Variants in AGBL4 observed in about 807,000 individuals in gnomAD.
AGBL4 encodes the protein AGBL carboxypeptidase 4.
A neutral mutation model predicts 66.4 loss-of-function variants in AGBL4; 58 were observed. The observed-to-expected ratio is 0.87, with a 90% CI of 0.71 to 1.09. AGBL4 has a LOEUF of 1.09. Ranked by LOEUF, AGBL4 falls within the 50% of genes least tolerant of loss-of-function variation. AGBL4 has a pLI of 0.00. For missense variants in AGBL4, 579 were observed against 631.0 expected (o/e 0.92, Z 0.88); for synonymous variants, 234 against 222.9 (o/e 1.05, Z -0.44).
intron 6 of AGBL4, among the ~76,000 whole-genome samples, chr1:48,809,256 G>C (rs950802380): frequency 2.0e-5 from 3 of 152,196 alleles, no homozygotes; most frequent in African/African-American, 7.2e-5. Flanking sequence ...AGACCACAGA[G>C]CTGTGAATAC....
Position 49,045,711 on chromosome 1 carries a change from C to T in AGBL4, c.467G>A (p.Arg156Gln), listed in dbSNP as rs1181701129. ...YVMSFAFCFD[R>Q]EEDIYQFAYC... ...AGCAAACTGGTAAATATCTTCTTCTCGGTCAAAACAAAAGGCAAAGGACAT... is the reference window on the plus strand; with the variant it reads ...AGCAAACTGGTAAATATCTTCTTCTTGGTCAAAACAAAAGGCAAAGGACAT... Residue 156 changes from arginine to glutamine, a missense_variant, in exon 5 of 14, where the codon CGA (arginine) becomes CAA (glutamine). Coordinates refer to ENST00000371839, the MANE Select transcript of AGBL4 (RefSeq NM_032785.4). 1.4e-5 allele frequency: 21 copies of T among 1,553,822 alleles called. No individual in the cohort carries two copies. The Middle Eastern group carries it at 8.3e-4, about 61-fold the overall frequency.
intron 6 of AGBL4, chr1:48,742,589 T>C: frequency 1.3e-6 from 2 of 1,487,828 alleles, no homozygotes; most frequent in Non-Finnish European, 1.8e-6. Flanking sequence ...TAACAAACAC[T>C]TGCAGGGAAT....
chr1:48,689,118 G>A (rs1456227370), intron 6 of AGBL4, among the ~76,000 whole-genome samples: 2 of 151,088 alleles, frequency 1.3e-5, no homozygotes, highest in East Asian at 3.9e-4. Flanking sequence ...CCACTCAGGA[G>A]GCTGAGGCAG....
chr1:48,752,711 T>C (rs1336767669), intron 6 of AGBL4, among the ~76,000 whole-genome samples: 2 of 152,172 alleles, frequency 1.3e-5, no homozygotes, highest in East Asian at 3.9e-4. Context: ...GCACCTACTA[T>C]ATGCCAGCCT....
intron 4 of AGBL4, among the ~76,000 whole-genome samples, chr1:49,087,567 A>T (rs1035552598): frequency 1.3e-5 from 2 of 152,228 alleles, no homozygotes; most frequent in Non-Finnish European, 2.9e-5. Context: ...TGAACAAAAC[A>T]TCTTAGAAAT....
At chr1:49,465,319 C>G (rs1463679354) in intron 3 of AGBL4, among the ~76,000 whole-genome samples, 2 of 150,234 alleles carry the variant, frequency 1.3e-5, no homozygotes, top group African/African-American at 4.9e-5. Flanking sequence ...TTACTGGATT[C>G]CTATACTTTC....
intron 4 of AGBL4, among the ~76,000 whole-genome samples, chr1:49,203,686 C>T (rs1217568115): frequency 6.6e-6 from 1 of 152,134 alleles, no homozygotes; most frequent in Non-Finnish European, 1.5e-5. Flanking sequence ...TGCCTGTAAT[C>T]CCAGCTACTC....
intron 3 of AGBL4, among the ~76,000 whole-genome samples, chr1:49,603,794 T>C (rs1282253233): frequency 6.6e-6 from 1 of 152,086 alleles, no homozygotes; most frequent in Non-Finnish European, 1.5e-5. Context: ...TAGGCCGCAC[T>C]TGTAAGTGAG....
At chr1:48,673,127 T>C (rs1191048798) in intron 6 of AGBL4, among the ~76,000 whole-genome samples, 1 of 152,214 alleles carries the variant, frequency 6.6e-6, no homozygotes, top group African/African-American at 2.4e-5. Flanking sequence ...AAAGAGATGT[T>C]ATTCTGTTTG....
At chr1:49,932,093 C>A (rs1029078852) in intron 1 of AGBL4, among the ~76,000 whole-genome samples, 1 of 152,166 alleles carries the variant, frequency 6.6e-6, no homozygotes, top group East Asian at 1.9e-4. Context: ...AAATCTAAAA[C>A]ATTTCTTTTC....
In AGBL4 at chr1:49,392,150, T is replaced by C. The variant is rs370366563; in HGVS notation, c.283-146286A>G. ...AATTTAAACATGTGGCTGTTTAAAT[T>C]TTTTAAAAGTAAATTAAGTAAAATT... On this transcript the variant is annotated intron_variant, in intron 3 of 13. Coordinates refer to ENST00000371839, the MANE Select transcript of AGBL4 (RefSeq NM_032785.4). Among the ~76,000 whole-genome samples the C allele has an allele frequency of 3.3e-4, 51 of 152,284 alleles. 1 individual carries two copies. In the South Asian group the frequency reaches 9.7e-3, roughly 29 times the overall value.
chr1:49,553,517 C>A (rs1052995671), intron 3 of AGBL4, among the ~76,000 whole-genome samples: 1 of 152,182 alleles, frequency 6.6e-6, no homozygotes, highest in Non-Finnish European at 1.5e-5. Flanking sequence ...CCACATCCCC[C>A]ATTAACGTTT....
intron 2 of AGBL4, among the ~76,000 whole-genome samples, chr1:49,736,787 C>T (rs1388221335): frequency 6.6e-6 from 1 of 151,810 alleles, no homozygotes; most frequent in Non-Finnish European, 1.5e-5. Flanking sequence ...GGTGTAACTT[C>T]CCAAATCTAT....
intron 3 of AGBL4, among the ~76,000 whole-genome samples, chr1:49,485,313 T>G (rs1305362419): frequency 6.6e-6 from 1 of 151,756 alleles, no homozygotes; most frequent in African/African-American, 2.4e-5. Flanking sequence ...TGTAGGAACA[T>G]GGATGAAGCT....
chr1:48,899,884 C>A lies in AGBL4; in HGVS notation c.595-32654G>T, dbSNP rs527625945. Among the ~76,000 whole-genome samples, 268 of 152,184 alleles carry A rather than the reference C, an allele frequency of 1.8e-3. 1 individual carries two copies. The highest frequency in any genetic ancestry group is 6.3e-3 in the African/African-American group (260 of 41,518). On this transcript the variant is annotated intron_variant, in intron 5 of 13. Coordinates refer to ENST00000371839, the MANE Select transcript of AGBL4 (RefSeq NM_032785.4). Reference sequence around the variant, plus strand: ...AGACTTTTTAAAATAATCAAATATTCATGTATATGATTTCACCCTTTAATA... The same window carrying A: ...AGACTTTTTAAAATAATCAAATATTAATGTATATGATTTCACCCTTTAATA...
At chr1:48,609,062 C>T (rs1645196907) in intron 9 of AGBL4, among the ~76,000 whole-genome samples, 1 of 151,992 alleles carries the variant, frequency 6.6e-6, no homozygotes, top group African/African-American at 2.4e-5. Context: ...ATAAATAGGC[C>T]AGATAGAGGC....
chr1:49,499,972 C>T (rs907102545), intron 3 of AGBL4, among the ~76,000 whole-genome samples: 1 of 151,960 alleles, frequency 6.6e-6, no homozygotes, highest in African/African-American at 2.4e-5. Context: ...ACTGATTGTA[C>T]TAGTTTACAT....
At chr1:48,693,480 C>T (rs952319901) in intron 6 of AGBL4, among the ~76,000 whole-genome samples, 39 of 152,220 alleles carry the variant, frequency 2.6e-4, no homozygotes, top group Non-Finnish European at 5.0e-4. Context: ...GCTGACCTGT[C>T]GGCTGACTCC....
chr1:50,014,489 A>C (rs1380503242), intron 1 of AGBL4, among the ~76,000 whole-genome samples: 4 of 151,830 alleles, frequency 2.6e-5, no homozygotes, highest in Non-Finnish European at 2.9e-5. Flanking sequence ...TCCTACTTTC[A>C]AGATCAGTTT....
Sources: gnomAD v4.1 joint callset for allele counts (sites outside exome capture counted in the v4.1 genomes callset) on GRCh38, gnomAD v4.1.1 for gene constraint, MANE v1.5 for transcripts, NCBI Gene and HGNC (gene_info 2026-07-23, HGNC 2026-07-21) for gene names.